Variants in TRIM25 observed in about 807,000 individuals in gnomAD.
The protein encoded by TRIM25 is tripartite motif containing 25, also known as E3 ubiquitin/ISG15 ligase TRIM25.
In TRIM25, 45 loss-of-function variants were observed where a neutral mutation model predicts 65.2. That is an observed-to-expected ratio of 0.69 (90% CI 0.54 to 0.89). The LOEUF (loss-of-function observed/expected upper bound fraction) is 0.89, where lower values mean the gene tolerates loss of function less well. Among genes scored for constraint, TRIM25 ranks in the 40% least tolerant of loss-of-function variants. The pLI, the probability that TRIM25 is intolerant of heterozygous loss-of-function variation, is 0.00. For missense variants in TRIM25, 714 were observed against 803.7 expected (o/e 0.89, Z 1.35); for synonymous variants, 321 against 340.4 (o/e 0.94, Z 0.63).
chr17:56,909,914 AG>A (rs1347088532), intron 1 of TRIM25, among the ~76,000 whole-genome samples: 1 of 152,208 alleles, frequency 6.6e-6, no homozygotes, highest in Non-Finnish European at 1.5e-5. Flanking sequence ...TAACAGCAGC[AG>A]CCAGTATTTA....
chr17:56,908,072 T>C (rs1169391692), intron 2 of TRIM25, among the ~76,000 whole-genome samples: 1 of 152,242 alleles, frequency 6.6e-6, no homozygotes, highest in African/African-American at 2.4e-5. Flanking sequence ...TTTCTGTTGT[T>C]GTAAGCCACC....
At chr17:56,903,729 T>G (rs1202175389) in intron 3 of TRIM25, among the ~76,000 whole-genome samples, 1 of 152,138 alleles carries the variant, frequency 6.6e-6, no homozygotes, top group Non-Finnish European at 1.5e-5. Context: ...TTTGAGTTCA[T>G]CAAAGGGCAA....
chr17:56,913,069 A>C lies in TRIM25; in HGVS notation c.597+323T>G. The C allele has an allele frequency of 4.8e-6, 1 of 208,208 alleles. No homozygotes were observed. Among genetic ancestry groups the C allele is most frequent in the East Asian group, 1.1e-4 (1 of 9,384 alleles). The allele number at this position is 208,208 out of a possible 1,614,324, so 12.9% of individuals were successfully genotyped here. Reference sequence around the variant, plus strand: ...GTAGGAGGATCCCTTAAGCCCGGGAAGTCGAGGCTGCAGTGAGCTGTGATT... The same window carrying C: ...GTAGGAGGATCCCTTAAGCCCGGGACGTCGAGGCTGCAGTGAGCTGTGATT... On this transcript the variant is annotated intron_variant, in intron 1 of 8. Transcript: ENST00000316881. The surrounding 1 kb of genome is among the most constrained non-coding windows in gnomAD (Gnocchi z 6.1).
rs1909409578 is a variant in TRIM25, at chr17:56,901,448, C to T, written c.1058G>A (p.Gly353Glu). Residue 353 changes from glycine (G) to glutamate (E), a missense_variant, in exon 4 of 9, where the codon GGG becomes GAG. Around this residue, in one of 3 missense-constraint regions of TRIM25, gnomAD observed 413 missense variants for 498.2 expected, o/e 0.83. Coordinates refer to ENST00000316881, the MANE Select transcript of TRIM25 (RefSeq NM_005082.5). ...ACTGGGGGTGGGCTCCTGGAGCCGC[C>T]CGATGCACTGCTTCAGCTCGTTTTT... ...DLKNELKQCI[G>E]RLQEPTPSSG... 6.2e-7 allele frequency: 1 copy of T among 1,613,932 alleles called. No homozygotes were observed. The highest frequency in any genetic ancestry group is 1.3e-5 in the African/African-American group (1 of 74,892).
intron 8 of TRIM25, among the ~76,000 whole-genome samples, chr17:56,892,957 C>T (rs1250713568): frequency 6.6e-6 from 1 of 152,192 alleles, no homozygotes; most frequent in Non-Finnish European, 1.5e-5. Flanking sequence ...AGTTGGGGAA[C>T]ATTTCACTGG....
At chr17:56,894,344 G>T (rs1909242809) in intron 8 of TRIM25, among the ~76,000 whole-genome samples, 1 of 152,230 alleles carries the variant, frequency 6.6e-6, no homozygotes, top group Admixed American at 6.5e-5. Context: ...CACCTCCCAA[G>T]TTCAAGTGAT....
In TRIM25 at chr17:56,901,426, G is replaced by T. The variant is rs372606435; in HGVS notation, c.1080C>A (p.Pro360=). ...GGGGGCTGCTAAGGTCACCTGAACTGGGGGTGGGCTCCTGGAGCCGCCCGA... is the reference window on the plus strand; with the variant it reads ...GGGGGCTGCTAAGGTCACCTGAACTTGGGGTGGGCTCCTGGAGCCGCCCGA... ...QCIGRLQEPT[P]SSGDPGEHDP... The change falls in exon 4 of 9, where the codon CCC becomes CCA. Residue 360 remains proline (P), a synonymous_variant. Coordinates refer to ENST00000316881, the MANE Select transcript of TRIM25 (RefSeq NM_005082.5). 1.2e-6 allele frequency: 2 copies of T among 1,613,798 alleles called. No homozygotes were observed. Among genetic ancestry groups the T allele is most frequent in the Non-Finnish European group, 1.7e-6 (2 of 1,179,940 alleles).
Position 56,904,488 on chromosome 17 carries a change from T to C in TRIM25, c.694A>G (p.Met232Val). The C allele has an allele frequency of 1.2e-6, 2 of 1,613,984 alleles. No individual in the cohort carries two copies. The highest frequency in any genetic ancestry group is 1.7e-6 in the Non-Finnish European group (2 of 1,179,968). ...DVRNRQQDVR[M>V]TANRKVEQLQ... The stretch of plus-strand genomic sequence containing the variant: ...TGCTCCACCTTTCTGTTTGCAGTCA[T>C]CTGAGAGGGCCAAGGTAAGAGGATG... Residue 232 changes from methionine (M) to valine (V), a missense_variant and splice_region_variant, in exon 3 of 9, where the codon ATG (methionine) becomes GTG (valine). Physicochemically the swap from Met to Val is conservative, Grantham distance 21. This residue lies in a region of TRIM25 where 413 missense variants were observed against 498.2 expected (regional missense o/e 0.83). Transcript: ENST00000316881.
intron 2 of TRIM25, 85 bp from the exon 3 acceptor site, chr17:56,904,573 T>C: frequency 8.2e-7 from 1 of 1,224,928 alleles, no homozygotes; most frequent in Non-Finnish European, 1.2e-6. Flanking sequence ...GATGTGGAGT[T>C]CCAGGAACTC....
At chr17:56,911,320 G>A (rs1017780727) in intron 1 of TRIM25, among the ~76,000 whole-genome samples, 6 of 151,704 alleles carry the variant, frequency 4.0e-5, no homozygotes, top group African/African-American at 1.5e-4. Flanking sequence ...GGTGGCTCAC[G>A]CTTGTAATCC....
chr17:56,904,979 A>G (rs1240410571), intron 2 of TRIM25, among the ~76,000 whole-genome samples: 1 of 152,240 alleles, frequency 6.6e-6, no homozygotes, highest in Non-Finnish European at 1.5e-5. Context: ...CAGAATGGCT[A>G]TATGCACAAA....
intron 1 of TRIM25, 87 bp from the exon 2 acceptor site, chr17:56,908,650 A>T: frequency 7.6e-7 from 1 of 1,320,424 alleles, no homozygotes; most frequent in Non-Finnish European, 1.1e-6. Context: ...CACAGGATAG[A>T]TTCCTTCCTC....
chr17:56,892,260 A>G, intron 8 of TRIM25, 31 bp from the exon 9 acceptor site: 1 of 1,557,380 alleles, frequency 6.4e-7, no homozygotes, highest in Admixed American at 1.9e-5. Context: ...GGAATTAATT[A>G]CAAGGGGCCC....
rs113318936 is a variant in TRIM25, at chr17:56,891,943, G to A, written c.1650C>T (p.Cys550=). ...AGATCTTGGTGTTGAACCACTCCAC[G>A]CACCAGGAGGCGCTGTTGCGGCCGA... ...SRLGRNSASW[C]VEWFNTKISA... The change falls in exon 9 of 9, where the codon TGC becomes TGT. Residue 550 remains cysteine (C), a synonymous_variant. Coordinates refer to ENST00000316881, the MANE Select transcript of TRIM25 (RefSeq NM_005082.5). 6.1e-5 allele frequency: 99 copies of A among 1,614,206 alleles called. No homozygotes were observed. In the Middle Eastern group the frequency reaches 1.8e-3, roughly 30 times the overall value.
chr17:56,897,729 G>A (rs1909321657), intron 5 of TRIM25, among the ~76,000 whole-genome samples: 1 of 152,194 alleles, frequency 6.6e-6, no homozygotes, highest in South Asian at 2.1e-4. Context: ...GAACACACCT[G>A]CCTGCTGGCC....
intron 1 of TRIM25, among the ~76,000 whole-genome samples, chr17:56,910,886 C>T (rs1167243706): frequency 6.6e-6 from 1 of 152,182 alleles, no homozygotes; most frequent in Non-Finnish European, 1.5e-5. Context: ...AGTAGCAGGG[C>T]TCAAAAAGCA....
intron 6 of TRIM25, 83 bp downstream of exon 6, chr17:56,895,843 A>G: frequency 2.0e-6 from 3 of 1,534,704 alleles, no homozygotes; most frequent in Non-Finnish European, 1.8e-6. Flanking sequence ...CCCTGATGAG[A>G]GAGGTCGACT....
At chr17:56,900,805 A>G (rs1435468842) in intron 4 of TRIM25, among the ~76,000 whole-genome samples, 2 of 152,200 alleles carry the variant, frequency 1.3e-5, no homozygotes, top group African/African-American at 4.8e-5. Context: ...GGTCTGCATC[A>G]GGGAGTAATA....
rs1418278654 is a variant in TRIM25, at chr17:56,913,736, G to A, written c.253C>T (p.Pro85Ser). ...GGCGGCGTCCAGACGTCGGCGGGTG[G>A]CTCCCGGGCCAGGTCGGCCTGCAGG... is the stretch of plus-strand genomic sequence containing the variant. The part of the protein sequence containing the change: ...QFLQADLARE[P>S]PADVWTPPAR... The change falls in exon 1 of 9, where the codon CCA becomes TCA. Residue 85 changes from proline to serine, a missense_variant. Pro to Ser is a moderately conservative substitution (Grantham distance 74, BLOSUM62 -1). Transcript: ENST00000316881. This position sits in a 1 kb window ranked among gnomAD's most constrained non-coding sequence, Gnocchi z 6.1. 4 of 1,551,640 alleles carry A rather than the reference G, an allele frequency of 2.6e-6. No individual in the cohort carries two copies. The highest frequency in any genetic ancestry group is 2.6e-6 in the Non-Finnish European group (3 of 1,148,402).
Sources: gnomAD v4.1 joint callset for allele counts (sites outside exome capture counted in the v4.1 genomes callset) on GRCh38, gnomAD v4.1.1 for gene constraint, gnomAD v4.1.1 regional missense constraint, Gnocchi (gnomAD v3.1) non-coding constraint, MANE v1.5 for transcripts, NCBI Gene and HGNC (gene_info 2026-07-23, HGNC 2026-07-21) for gene names.